Variants in MRC1 observed in about 807,000 individuals in gnomAD.
The protein encoded by MRC1 is macrophage mannose receptor 1.
Under a neutral mutation model 102.9 loss-of-function variants are expected in MRC1, and 62 were observed. The ratio of observed to expected loss-of-function variants is 0.60; its 90% CI spans 0.49 to 0.74. MRC1 has a LOEUF of 0.74. Among genes scored for constraint, MRC1 ranks in the 30% least tolerant of loss-of-function variants. MRC1 has a pLI of 0.00. For synonymous variants in MRC1, 457 were observed against 298.4 expected (o/e 1.53, Z -5.48); for missense variants, 1,237 against 862.8 (o/e 1.43, Z -5.43).
intron 22 of MRC1, among the ~76,000 whole-genome samples, chr10:17,889,082 G>A (rs1833639489): frequency 6.6e-6 from 1 of 151,548 alleles, no homozygotes; most frequent in African/African-American, 2.4e-5. Flanking sequence ...TAATATAGCT[G>A]GTCTAGCTTT....
At chr10:17,809,643 C>T (rs1838192519) in intron 1 of MRC1, 117 bp downstream of exon 1, 1 of 799,920 alleles carries the variant, frequency 1.3e-6, no homozygotes. Flanking sequence ...AAACGGGGTT[C>T]CCCTGCACCA....
At chr10:17,897,209 C>A (rs1428650001) in intron 23 of MRC1, among the ~76,000 whole-genome samples, 4 of 152,200 alleles carry the variant, frequency 2.6e-5, no homozygotes, top group Non-Finnish European at 5.9e-5. Context: ...CAGATTTCAT[C>A]CTCTGGCTAT....
intron 17 of MRC1, among the ~76,000 whole-genome samples, chr10:17,876,255 T>TTA: frequency 6.6e-6 from 1 of 151,826 alleles, no homozygotes; most frequent in African/African-American, 2.4e-5. Context: ...TCTTTTTTTT[T>TTA]TTTTTTTTCT....
chr10:17,880,948 G>C, intron 20 of MRC1, 119 bp from the exon 21 acceptor site: 1 of 729,654 alleles, frequency 1.4e-6, no homozygotes. Context: ...TTGGTGGTGA[G>C]AAAATTCTGA....
chr10:17,893,771 C>G (rs1167788995), intron 22 of MRC1, among the ~76,000 whole-genome samples: 1 of 152,156 alleles, frequency 6.6e-6, no homozygotes, highest in Non-Finnish European at 1.5e-5. Context: ...TACTATGAAT[C>G]TATAATAATA....
At position 17,900,896 on chromosome 10, in the gene MRC1, T is replaced by G; in HGVS notation, c.3592T>G (p.Tyr1198Asp). 1 of 780,820 alleles carries G rather than the reference T, an allele frequency of 1.3e-6. No homozygotes were observed. The highest frequency in any genetic ancestry group is 1.3e-5 in the South Asian group (1 of 74,620). 48.4% of individuals were successfully genotyped at this position (780,820 alleles called of 1,614,324 possible). Residue 1198 changes from tyrosine to aspartate, a missense_variant, in exon 25 of 30, where the codon TAC becomes GAC. Physicochemically the swap from Tyr to Asp is radical, Grantham distance 160. Coordinates refer to ENST00000569591, the MANE Select transcript of MRC1 (RefSeq NM_002438.4). ...ATGTGTTTATCTGGATCTTGATGGCTACTGGAAGACAGCACATTGCAATGA... is the reference window on the plus strand; with the variant it reads ...ATGTGTTTATCTGGATCTTGATGGCGACTGGAAGACAGCACATTGCAATGA... ...SACVYLDLDG[Y>D]WKTAHCNESF...
chr10:17,894,074 G>C, intron 22 of MRC1, 136 bp from the exon 23 acceptor site: 1 of 697,572 alleles, frequency 1.4e-6, no homozygotes, highest in South Asian at 1.7e-5. Flanking sequence ...ATGATGGATT[G>C]AGCATATCTT....
At chr10:17,872,975 A>C (rs1833375550) in intron 15 of MRC1, among the ~76,000 whole-genome samples, 1 of 152,170 alleles carries the variant, frequency 6.6e-6, no homozygotes, top group Non-Finnish European at 1.5e-5. Context: ...CCTCCTGCTT[A>C]GATTATTGCT....
At chr10:17,847,257 C>T (rs1554840295) in intron 6 of MRC1, among the ~76,000 whole-genome samples, 1 of 152,174 alleles carries the variant, frequency 6.6e-6, no homozygotes, top group African/African-American at 2.4e-5. Flanking sequence ...TTCTCTGGTA[C>T]AGCACTCAGA....
chr10:17,823,424 A>G lies in MRC1; in HGVS notation c.412A>G (p.Arg138Gly), dbSNP rs782549729. Residue 138 changes from arginine to glycine, a missense_variant, in exon 2 of 30, where the codon AGG becomes GGG. Physicochemically the swap from Arg to Gly is moderately radical, Grantham distance 125. Coordinates refer to ENST00000569591, the MANE Select transcript of MRC1 (RefSeq NM_002438.4). ...MLYKGSGLWS[R>G]WKIYGTTDNL... ...CTACAAGGGATCGGGTTTATGGAGCAGGTGGAAGATCTATGGAACCACAGA... is the reference window on the plus strand; with the variant it reads ...CTACAAGGGATCGGGTTTATGGAGCGGGTGGAAGATCTATGGAACCACAGA... 1.3e-6 allele frequency: 1 copy of G among 780,896 alleles called. No individual in the cohort carries two copies. The highest frequency in any genetic ancestry group is 1.7e-5 in the African/African-American group (1 of 59,266). The allele number at this position is 780,896 out of a possible 1,614,324, so 48.4% of individuals were successfully genotyped here. A position where few individuals can be genotyped will look rare whatever the true frequency, so the allele number is the denominator to read the frequency against.
chr10:17,902,256 C>G, intron 26 of MRC1, 134 bp downstream of exon 26: 2 of 625,916 alleles, frequency 3.2e-6, no homozygotes, highest in Non-Finnish European at 5.8e-6. Context: ...AACAGAATGG[C>G]CAATATCATG....
At chr10:17,812,721 G>A (rs1475349395) in intron 1 of MRC1, among the ~76,000 whole-genome samples, 14 of 151,826 alleles carry the variant, frequency 9.2e-5, no homozygotes, top group Admixed American at 1.3e-4. Flanking sequence ...ACAGGCACCC[G>A]CCACCACACC....
Position 17,874,991 on chromosome 10 carries a change from A to T in MRC1, c.2387-99A>T, listed in dbSNP as rs1031830878. ...CTCTCAGAGTTGCAGATGCCTCTTG[A>T]TATAGCAGCTCTATCCCTTTCACCT... is the stretch of plus-strand genomic sequence containing the variant. On this transcript the variant is annotated intron_variant, in intron 16 of 29. Coordinates refer to ENST00000569591, the MANE Select transcript of MRC1 (RefSeq NM_002438.4). 13 of 768,750 alleles carry T rather than the reference A, an allele frequency of 1.7e-5. 1 individual carries two copies. Among genetic ancestry groups the T allele is most frequent in the East Asian group, 1.2e-4 (5 of 41,174 alleles). 47.6% of individuals were successfully genotyped at this position (768,750 alleles called of 1,614,324 possible).
At chr10:17,827,406 A>AGTGT in intron 2 of MRC1, 136 bp from the exon 3 acceptor site, 1 of 296,820 alleles carries the variant, frequency 3.4e-6, no homozygotes, top group Non-Finnish European at 6.5e-6. Flanking sequence ...AAAAAAAAAA[A>AGTGT]AAAAGAAATC....
intron 3 of MRC1, among the ~76,000 whole-genome samples, chr10:17,829,630 A>G (rs1218497528): frequency 1.3e-5 from 2 of 151,556 alleles, no homozygotes; most frequent in African/African-American, 4.9e-5. Context: ...AGATAAAGCA[A>G]TACTTGGTTT....
Position 17,823,259 on chromosome 10 carries a change from T to A in MRC1, c.247T>A (p.Trp83Arg). ...LCLGVPSKTDWVAITLYACDS... is the reference protein window; with the variant it reads ...LCLGVPSKTDRVAITLYACDS... ...CCTGGGAGTGCCATCAAAAACGGAC[T>A]GGGTTGCTATCACTCTCTATGCCTG... The change falls in exon 2 of 30, where the codon TGG becomes AGG. Residue 83 changes from tryptophan (W) to arginine (R), a missense_variant. By Grantham distance (101) the Trp-to-Arg change is moderately radical. Coordinates refer to ENST00000569591, the MANE Select transcript of MRC1 (RefSeq NM_002438.4). 1 of 780,604 alleles carries A rather than the reference T, an allele frequency of 1.3e-6. No individual in the cohort carries two copies. 48.4% of individuals were successfully genotyped at this position (780,604 alleles called of 1,614,324 possible).
At position 17,844,985 on chromosome 10, in the gene MRC1, G is replaced by A. The variant is rs1272001215; in HGVS notation, c.917-304G>A. On this transcript the variant is annotated intron_variant, in intron 5 of 29. Coordinates refer to ENST00000569591, the MANE Select transcript of MRC1 (RefSeq NM_002438.4). The stretch of plus-strand genomic sequence containing the variant: ...TCTCTTTGATAATGTAATCCGTTGT[G>A]ACAACTGTTCAAGTTTTAAGGTGTA... The A allele has an allele frequency of 2.5e-5, 15 of 593,800 alleles. No individual in the cohort carries two copies. In the Admixed American group the frequency reaches 2.9e-4, roughly 12 times the overall value. The allele number at this position is 593,800 out of a possible 1,614,324, so 36.8% of individuals were successfully genotyped here. A position where few individuals can be genotyped will look rare whatever the true frequency, so the allele number is the denominator to read the frequency against.
At chr10:17,812,137 C>A (rs1206952377) in intron 1 of MRC1, among the ~76,000 whole-genome samples, 1 of 152,226 alleles carries the variant, frequency 6.6e-6, no homozygotes, top group African/African-American at 2.4e-5. Flanking sequence ...CCATAAGTCT[C>A]TGTGGGCTGC....
In MRC1 at chr10:17,809,418, G is replaced by C. The variant is rs915449517; in HGVS notation, c.-48G>C. ...GGGGGCCTCGTTGTTTTGCGTCTTA[G>C]TTCCGCCCTCCTGTCCATCAGGAGA... is the stretch of plus-strand genomic sequence containing the variant. On this transcript the variant is annotated 5_prime_UTR_variant, in exon 1 of 30. Coordinates refer to ENST00000569591, the MANE Select transcript of MRC1 (RefSeq NM_002438.4). 1 of 871,924 alleles carries C rather than the reference G, an allele frequency of 1.1e-6. No individual in the cohort carries two copies. Among genetic ancestry groups the C allele is most frequent in the East Asian group, 2.4e-5 (1 of 41,696 alleles). The allele number at this position is 871,924 out of a possible 1,614,324, so 54.0% of individuals were successfully genotyped here.
Sources: allele counts gnomAD v4.1 joint callset (sites outside exome capture counted in the v4.1 genomes callset), GRCh38; gene constraint gnomAD v4.1.1; transcripts MANE v1.5; gene names NCBI Gene and HGNC (gene_info 2026-07-23, HGNC 2026-07-21).